LINGO1: variants seen among roughly 807,000 people sequenced by gnomAD.
LINGO1 encodes leucine rich repeat and Ig domain containing 1, also known as leucine-rich repeat and immunoglobulin-like domain-containing nogo receptor-interacting protein 1.
Under a neutral mutation model 37.3 loss-of-function variants are expected in LINGO1, and 11 were observed. The observed-to-expected ratio is 0.29, with a 90% CI of 0.19 to 0.49. LINGO1 has a LOEUF of 0.49. Among genes scored for constraint, LINGO1 ranks in the 20% least tolerant of loss-of-function variants. The pLI is 0.99. For synonymous variants in LINGO1, 387 were observed against 403.0 expected (o/e 0.96, Z 0.48); for missense variants, 585 against 878.2 (o/e 0.67, Z 4.22).
intron 2 of LINGO1, among the ~76,000 whole-genome samples, chr15:77,687,646 G>A (rs1480341639): frequency 2.0e-5 from 3 of 152,198 alleles, no homozygotes; most frequent in Non-Finnish European, 4.4e-5. Flanking sequence ...TTCTAGCGTG[G>A]ATGCACTCCC....
At chr15:77,748,885 T>TA (rs1445485804) in intron 1 of LINGO1, among the ~76,000 whole-genome samples, 1 of 144,936 alleles carries the variant, frequency 6.9e-6, no homozygotes, top group African/African-American at 2.5e-5. Context: ...TTTATTTATT[T>TA]ATTTATTTTC....
At chr15:77,776,521 G>GCA (rs1567577738) in intron 1 of LINGO1, among the ~76,000 whole-genome samples, 1,285 of 80,380 alleles carry the variant, frequency 0.016, 50 homozygotes, top group Non-Finnish European at 0.018. Context: ...AGGCAGGAAG[G>GCA]GAGGAAGGGA....
Position 77,614,299 on chromosome 15 carries a change from C to G in LINGO1, c.1608G>C (p.Pro536=), listed in dbSNP as rs761204310. The change falls in exon 2 of 2, where the codon CCG becomes CCC. Residue 536 remains proline (P), a synonymous_variant. Transcript: ENST00000355300. ...GGGTGCTGTTGGCCTCTCCCTCGCCCGGCTGGTTGGAGATGAAAGCGAAGG... is the reference window on the plus strand; with the variant it reads ...GGGTGCTGTTGGCCTCTCCCTCGCCGGGCTGGTTGGAGATGAAAGCGAAGG... ...NKTFAFISNQ[P]GEGEANSTRA... 6.2e-7 allele frequency: 1 copy of G among 1,613,966 alleles called. No homozygotes were observed. Among genetic ancestry groups the G allele is most frequent in the Admixed American group, 1.7e-5 (1 of 60,024 alleles).
chr15:77,738,215 C>T (rs1023907132), intron 1 of LINGO1, among the ~76,000 whole-genome samples: 2 of 152,138 alleles, frequency 1.3e-5, no homozygotes, highest in South Asian at 2.1e-4. Context: ...AAACAGCCTC[C>T]TCCCTCACTC....
At chr15:77,779,657 G>T (rs2076695835) in intron 1 of LINGO1, among the ~76,000 whole-genome samples, 1 of 152,120 alleles carries the variant, frequency 6.6e-6, no homozygotes, top group Non-Finnish European at 1.5e-5. Flanking sequence ...CGGAGCTCAG[G>T]CTGTAATGCA....
upstream of LINGO1, chr15:77,634,250 C>T (rs145579663): frequency 1.3e-5 from 6 of 456,092 alleles, no homozygotes; most frequent in Admixed American, 2.3e-5. Context: ...TTCAGCCTCA[C>T]ACACAGCCCA....
intron 1 of LINGO1, among the ~76,000 whole-genome samples, chr15:77,762,200 G>C (rs1413517650): frequency 6.6e-6 from 1 of 152,206 alleles, no homozygotes; most frequent in African/African-American, 2.4e-5. Context: ...ACCGAGGCGT[G>C]GGTAGAAACT....
chr15:77,694,839 C>T (rs2075662567), intron 1 of LINGO1, among the ~76,000 whole-genome samples: 1 of 152,222 alleles, frequency 6.6e-6, no homozygotes, highest in South Asian at 2.1e-4. Flanking sequence ...ACCTGACCAC[C>T]TTCTGACCAC....
intron 1 of LINGO1, among the ~76,000 whole-genome samples, chr15:77,817,504 G>A (rs1356604956): frequency 6.6e-6 from 1 of 152,194 alleles, no homozygotes; most frequent in African/African-American, 2.4e-5. Context: ...GAGCTGTGCA[G>A]AGGATGACAG....
At chr15:77,781,573 G>T (rs1197111354) in intron 1 of LINGO1, among the ~76,000 whole-genome samples, 2 of 152,190 alleles carry the variant, frequency 1.3e-5, no homozygotes, top group Non-Finnish European at 2.9e-5. Flanking sequence ...CTTGGGGGTG[G>T]GAGGCCCCCC....
At chr15:77,745,987 T>C (rs2076310580) in intron 1 of LINGO1, among the ~76,000 whole-genome samples, 1 of 151,360 alleles carries the variant, frequency 6.6e-6, no homozygotes, top group South Asian at 2.1e-4. Flanking sequence ...CTCAGCACTT[T>C]AGGAGGCTCC....
intron 2 of LINGO1, among the ~76,000 whole-genome samples, chr15:77,727,745 T>G (rs2076116945): frequency 6.6e-6 from 1 of 150,686 alleles, no homozygotes; most frequent in African/African-American, 2.4e-5. Context: ...TTACCATAAT[T>G]TAAAAAAAAA....
intron 2 of LINGO1, among the ~76,000 whole-genome samples, chr15:77,723,965 A>G (rs2141318598): frequency 6.6e-6 from 1 of 152,274 alleles, no homozygotes; most frequent in South Asian, 2.1e-4. Flanking sequence ...TTATATTTTT[A>G]GATGGACTAC....
chr15:77,646,510 C>G (rs776158654), intron 3 of LINGO1: 2 of 451,648 alleles, frequency 4.4e-6, no homozygotes, highest in Admixed American at 4.8e-5. Flanking sequence ...ACCCCAAATA[C>G]GGTAAGTCTG....
intron 2 of LINGO1, among the ~76,000 whole-genome samples, chr15:77,730,562 C>T (rs757090919): frequency 1.2e-4 from 19 of 152,242 alleles, no homozygotes; most frequent in Non-Finnish European, 2.5e-4. Flanking sequence ...CTCTCTGTCC[C>T]TCTATATCCA....
At chr15:77,701,924 G>A (rs147050659) in intron 2 of LINGO1, among the ~76,000 whole-genome samples, 1 of 152,270 alleles carries the variant, frequency 6.6e-6, no homozygotes, top group East Asian at 1.9e-4. Flanking sequence ...GACTAAGAGA[G>A]CTTGCATGGG....
intron 2 of LINGO1, among the ~76,000 whole-genome samples, chr15:77,711,612 A>G (rs1253500855): frequency 6.6e-6 from 1 of 152,230 alleles, no homozygotes; most frequent in African/African-American, 2.4e-5. Flanking sequence ...ATCTGTAAAC[A>G]GGGTTAGCCC....
chr15:77,725,489 G>C (rs2076093300), intron 2 of LINGO1, among the ~76,000 whole-genome samples: 1 of 152,174 alleles, frequency 6.6e-6, no homozygotes, highest in South Asian at 2.1e-4. Flanking sequence ...CTCGAACCCT[G>C]GTGGTCGAGG....
At chr15:77,741,971 G>T (rs369605906) in intron 1 of LINGO1, among the ~76,000 whole-genome samples, 2 of 152,214 alleles carry the variant, frequency 1.3e-5, no homozygotes, top group Non-Finnish European at 2.9e-5. Context: ...AAAGGCAGAG[G>T]GGGGGTTGGG....
Sources: gnomAD v4.1 joint callset for allele counts (sites outside exome capture counted in the v4.1 genomes callset) on GRCh38, gnomAD v4.1.1 for gene constraint, MANE v1.5 for transcripts, NCBI Gene and HGNC (gene_info 2026-07-23, HGNC 2026-07-21) for gene names.